The following DNAH9 variants were observed in gnomAD, a reference collection of about 807,000 sequenced individuals.
DNAH9 encodes the protein dynein axonemal heavy chain 9.
A neutral mutation model predicts 471.6 loss-of-function variants in DNAH9; 345 were observed. The ratio of observed to expected loss-of-function variants is 0.73; its 90% CI spans 0.67 to 0.80. The LOEUF is 0.80. DNAH9 is among the 30% of genes least tolerant of loss of function. The pLI is 0.00. For missense variants in DNAH9, 5,407 were observed against 5,609.2 expected (o/e 0.96, Z 1.15); for synonymous variants, 2,093 against 2,123.6 (o/e 0.99, Z 0.40).
In DNAH9 at chr17:11,626,251, AT is replaced by A. The variant is rs1314354835; in HGVS notation, c.1351-3163del. ...AAAATATCATTTAAACTTCTTATTG[AT>A]TTAAATTGCCTTTTATCTGTTTTGT... On this transcript the variant is annotated intron_variant, in intron 6 of 68. Coordinates refer to ENST00000262442, the MANE Select transcript of DNAH9 (RefSeq NM_001372.4). This position sits in a 1 kb window ranked among gnomAD's most constrained non-coding sequence, Gnocchi z 4.3. Among the ~76,000 whole-genome samples, 1 of 152,228 alleles carries A rather than the reference AT, an allele frequency of 6.6e-6. No homozygotes were observed. Among genetic ancestry groups the A allele is most frequent in the East Asian group, 1.9e-4 (1 of 5,198 alleles).
At chr17:11,929,826 A>G (rs765341288) in intron 62 of DNAH9, 40 bp from the exon 63 acceptor site, 1 of 1,552,080 alleles carries the variant, frequency 6.4e-7, no homozygotes, top group East Asian at 2.3e-5. Context: ...AGAGCTAAGC[A>G]GATGCCTGTA....
chr17:11,880,237 G>A, intron 54 of DNAH9, 37 bp downstream of exon 54: 1 of 1,607,184 alleles, frequency 6.2e-7, no homozygotes, highest in Non-Finnish European at 8.5e-7. Context: ...TTCGGGGGGA[G>A]CTGGTTCATG....
chr17:11,655,889 T>C (rs8073422), intron 14 of DNAH9, among the ~76,000 whole-genome samples: 85,610 of 151,126 alleles, frequency 0.57, 24,991 homozygotes, highest in Admixed American at 0.68. Context: ...TATATATATA[T>C]ACATATATAT....
rs201962543 is a variant in DNAH9 at position 11,640,280 on chromosome 17, G to A, written c.1797G>A (p.Pro599=). The A allele has an allele frequency of 2.4e-5, 39 of 1,612,026 alleles. No homozygotes were observed. The East Asian group carries it at 4.9e-4, about 20-fold the overall frequency. Residue 599 remains proline (P), a synonymous_variant, in exon 10 of 69, where the codon CCG becomes CCA. Coordinates refer to ENST00000262442, the MANE Select transcript of DNAH9 (RefSeq NM_001372.4). ...GTGCCATGTCTCCAGGGTTCTCCCC[G>A]GTGCACAAGAACATGCCCACCGTGG... The part of the protein sequence containing the change: ...VQEEAELGFS[P]VHKNMPTVAG...
At chr17:11,798,447 AAAAAAAAAAAAG>A (rs1969333070) in intron 43 of DNAH9, among the ~76,000 whole-genome samples, 3 of 149,358 alleles carry the variant, frequency 2.0e-5, no homozygotes, top group Admixed American at 6.7e-5. Flanking sequence ...AAAAAAAAAA[AAAAAAAAAAAAG>A]AGAGAGAGAG....
intron 43 of DNAH9, among the ~76,000 whole-genome samples, chr17:11,805,093 G>C (rs1383182965): frequency 6.6e-6 from 1 of 151,924 alleles, no homozygotes; most frequent in African/African-American, 2.4e-5. Flanking sequence ...GTGTCAACAA[G>C]GGTTGGGGGC....
intron 36 of DNAH9, among the ~76,000 whole-genome samples, chr17:11,765,299 A>G (rs141777807): frequency 6.6e-6 from 1 of 152,320 alleles, no homozygotes; most frequent in East Asian, 1.9e-4. Context: ...CCAAGCTGTA[A>G]TTGTTGGAAA....
intron 1 of DNAH9, among the ~76,000 whole-genome samples, chr17:11,601,275 G>A (rs565053035): frequency 6.7e-6 from 1 of 150,080 alleles, no homozygotes; most frequent in South Asian, 2.1e-4. Flanking sequence ...TTTTAAAGAA[G>A]TGCAGAATTG....
chr17:11,758,967 G>A (rs925716999), intron 35 of DNAH9, among the ~76,000 whole-genome samples: 4 of 152,082 alleles, frequency 2.6e-5, no homozygotes, highest in South Asian at 2.1e-4. Flanking sequence ...AAAGCAGCCC[G>A]TGTAGCTAAA....
chr17:11,917,664 T>C (rs1334837207), intron 61 of DNAH9, among the ~76,000 whole-genome samples: 2 of 152,222 alleles, frequency 1.3e-5, no homozygotes, highest in East Asian at 3.8e-4. Context: ...TCACCCATGA[T>C]ACCTGCCTCC....
chr17:11,853,800 C>A (rs1971520745), intron 49 of DNAH9, among the ~76,000 whole-genome samples: 1 of 152,184 alleles, frequency 6.6e-6, no homozygotes, highest in Admixed American at 6.6e-5. Context: ...TGAGTCTTGG[C>A]TAACCATTCA....
intron 19 of DNAH9, among the ~76,000 whole-genome samples, chr17:11,687,576 G>A (rs781302330): frequency 3.9e-5 from 6 of 152,102 alleles, no homozygotes; most frequent in South Asian, 2.1e-4. Flanking sequence ...CACACACACT[G>A]TTGATGGGAG....
intron 5 of DNAH9, among the ~76,000 whole-genome samples, chr17:11,618,079 A>G (rs2150652961): frequency 6.6e-6 from 1 of 152,292 alleles, no homozygotes; most frequent in East Asian, 1.9e-4. Flanking sequence ...CCTCCTCTGT[A>G]CAATGGTGAA....
chr17:11,803,751 G>C (rs1969556396), intron 43 of DNAH9, among the ~76,000 whole-genome samples: 1 of 152,160 alleles, frequency 6.6e-6, no homozygotes, highest in African/African-American at 2.4e-5. Flanking sequence ...GCTGAGTTCA[G>C]GCCTTCAGAA....
intron 50 of DNAH9, among the ~76,000 whole-genome samples, chr17:11,862,562 C>G (rs1443864125): frequency 6.7e-6 from 1 of 150,254 alleles, no homozygotes; most frequent in Non-Finnish European, 1.5e-5. Context: ...TGAAGAAAGT[C>G]ATTGGTAGCT....
In DNAH9 at chr17:11,689,668, T is replaced by C; in HGVS notation, c.3846T>C (p.Phe1282=). ...MASISESASL[F]EVNVPDYKQL... is the part of the protein sequence containing the mutation. The stretch of plus-strand genomic sequence containing the variant: ...CCATTTCTGAGTCTGCCAGCTTATT[T>C]GAAGTCAATGTCCCTGACTATAAGC... Residue 1282 remains phenylalanine (F), a synonymous_variant, in exon 20 of 69, where the codon TTT becomes TTC. Coordinates refer to ENST00000262442, the MANE Select transcript of DNAH9 (RefSeq NM_001372.4). 1 of 1,614,120 alleles carries C rather than the reference T, an allele frequency of 6.2e-7. No individual in the cohort carries two copies. Among genetic ancestry groups the C allele is most frequent in the Non-Finnish European group, 8.5e-7 (1 of 1,179,996 alleles).
intron 28 of DNAH9, among the ~76,000 whole-genome samples, chr17:11,733,687 C>T (rs1263261254): frequency 6.6e-6 from 1 of 151,912 alleles, no homozygotes; most frequent in African/African-American, 2.4e-5. Flanking sequence ...GAAACCCCGT[C>T]TCTACTAAAA....
rs375019170 is a variant in DNAH9 at position 11,821,971 on chromosome 17, A to G, written c.8759A>G (p.Asn2920Ser). The change falls in exon 46 of 69, where the codon AAT (asparagine) becomes AGT (serine). Residue 2920 changes from asparagine to serine, a missense_variant. Physicochemically the swap from Asn to Ser is conservative, Grantham distance 46 (BLOSUM62 1). Around this residue, in one of 3 missense-constraint regions of DNAH9, gnomAD observed 4,636 missense variants for 4,900.3 expected, o/e 0.95. Transcript: ENST00000262442. Reference protein sequence around the residue: ...SDDEVENIISNVRNEVKSQGL... With the variant: ...SDDEVENIISSVRNEVKSQGL... ...GATGAAGTTGAAAACATCATAAGCA[A>G]TGTGAGGAATGAAGTCAAGAGCCAG... 38 of 1,614,186 alleles carry G rather than the reference A, an allele frequency of 2.4e-5. No homozygotes were observed. The Middle Eastern group carries it at 6.6e-4, about 28-fold the overall frequency.
chr17:11,818,865 A>T (rs1970204392), intron 45 of DNAH9, among the ~76,000 whole-genome samples: 1 of 150,374 alleles, frequency 6.7e-6, no homozygotes, highest in African/African-American at 2.4e-5. Context: ...TTTATACATC[A>T]CAGTCTGTCT....
Sources: gnomAD v4.1 joint callset for allele counts (sites outside exome capture counted in the v4.1 genomes callset) on GRCh38, gnomAD v4.1.1 for gene constraint, gnomAD v4.1.1 regional missense constraint, Gnocchi (gnomAD v3.1) non-coding constraint, MANE v1.5 for transcripts, NCBI Gene and HGNC (gene_info 2026-07-23, HGNC 2026-07-21) for gene names.